Variants in NAALADL2 observed in about 807,000 individuals in gnomAD.
NAALADL2 encodes N-acetylated alpha-linked acidic dipeptidase like 2, also known as inactive N-acetylated-alpha-linked acidic dipeptidase-like protein 2.
Under a neutral mutation model 87.2 loss-of-function variants are expected in NAALADL2, and 76 were observed. The observed-to-expected ratio is 0.87, with a 90% CI of 0.72 to 1.05. The LOEUF is 1.05. NAALADL2 is among the 50% of genes least tolerant of loss of function. The probability of loss-of-function intolerance (pLI) is 0.00; values close to 1 mark genes in which losing one functional copy is unlikely to be tolerated. For missense variants in NAALADL2, 1,089 were observed against 945.8 expected, an observed-to-expected ratio of 1.15 and a Z score of -1.99; for synonymous variants, 354 against 331.0, an observed-to-expected ratio of 1.07 and a Z score of -0.75.
At position 174,449,676 on chromosome 3, in the gene NAALADL2, A is replaced by G. The variant is rs371944722; in HGVS notation, c.-184+8644A>G. Among the ~76,000 whole-genome samples the G allele has an allele frequency of 9.8e-4, 149 of 152,352 alleles. 1 individual carries two copies. The South Asian group carries it at 0.023, about 23-fold the overall frequency. On this transcript the variant is annotated intron_variant, in intron 1 of 3. Transcript: ENST00000434257. ...TTTATTTGAAAATTATGATTTATGTATATATGAAATAGGTATCTTCTGTCT... is the reference window on the plus strand; with the variant it reads ...TTTATTTGAAAATTATGATTTATGTGTATATGAAATAGGTATCTTCTGTCT...
At chr3:175,329,473 T>G (rs2110483402) in intron 5 of NAALADL2, among the ~76,000 whole-genome samples, 1 of 152,314 alleles carries the variant, frequency 6.6e-6, no homozygotes, top group Non-Finnish European at 1.5e-5. Flanking sequence ...GTCCAGTTAC[T>G]TGGACAAATA....
intron 3 of NAALADL2, among the ~76,000 whole-genome samples, chr3:174,762,095 A>AT (rs1365870811): frequency 2.0e-5 from 3 of 151,350 alleles, no homozygotes; most frequent in East Asian, 1.9e-4. Context: ...ATTGATATTG[A>AT]TTTTTTCTAT....
intron 1 of NAALADL2, among the ~76,000 whole-genome samples, chr3:175,077,833 G>A (rs978509222): frequency 1.3e-5 from 2 of 152,042 alleles, no homozygotes; most frequent in Non-Finnish European, 2.9e-5. Flanking sequence ...GGAAAAAGAA[G>A]AAGGAATCTT....
chr3:174,718,173 A>G (rs1731382338), intron 2 of NAALADL2, among the ~76,000 whole-genome samples: 1 of 152,142 alleles, frequency 6.6e-6, no homozygotes, highest in Non-Finnish European at 1.5e-5. Context: ...TTTAATGATA[A>G]GATATGCCAT....
intron 2 of NAALADL2, among the ~76,000 whole-genome samples, chr3:174,607,189 C>G (rs1233864850): frequency 2.0e-5 from 3 of 152,050 alleles, no homozygotes; most frequent in Non-Finnish European, 2.9e-5. Context: ...AAAGGAACAA[C>G]TGGTACCAGC....
intron 1 of NAALADL2, among the ~76,000 whole-genome samples, chr3:174,546,942 CT>C (rs947716038): frequency 6.6e-6 from 1 of 151,954 alleles, no homozygotes; most frequent in African/African-American, 2.4e-5. Flanking sequence ...ATGTGTAGTA[CT>C]TTTTTTGAAA....
intron 2 of NAALADL2, among the ~76,000 whole-genome samples, chr3:175,120,361 G>A (rs6798853): frequency 0.39 from 58,337 of 151,424 alleles, 11,502 homozygotes; most frequent in East Asian, 0.44. Flanking sequence ...CCTCTAAAAG[G>A]TATGGATTTC....
chr3:175,026,133 A>G (rs926308066), intron 1 of NAALADL2, among the ~76,000 whole-genome samples: 7 of 152,224 alleles, frequency 4.6e-5, no homozygotes, highest in Non-Finnish European at 1.0e-4. Context: ...TAACAAATGA[A>G]TTATTAAGTT....
chr3:175,388,801 G>C (rs1166269900), intron 5 of NAALADL2, among the ~76,000 whole-genome samples: 1 of 151,972 alleles, frequency 6.6e-6, no homozygotes, highest in Non-Finnish European at 1.5e-5. Flanking sequence ...CTTCATCCTA[G>C]ACTCCACCTC....
At chr3:174,571,143 C>T (rs928563055) in intron 2 of NAALADL2, among the ~76,000 whole-genome samples, 1 of 152,016 alleles carries the variant, frequency 6.6e-6, no homozygotes, top group African/African-American at 2.4e-5. Flanking sequence ...AGGAACTATA[C>T]AATACTTTTG....
intron 13 of NAALADL2, among the ~76,000 whole-genome samples, chr3:175,790,367 G>T (rs1576840561): frequency 2.0e-5 from 3 of 152,074 alleles, no homozygotes; most frequent in African/African-American, 7.2e-5. Flanking sequence ...TGCCTTCTCA[G>T]TTTTTAGGAG....
At chr3:175,033,760 C>T (rs1753064237) in intron 1 of NAALADL2, among the ~76,000 whole-genome samples, 1 of 152,076 alleles carries the variant, frequency 6.6e-6, no homozygotes, top group Non-Finnish European at 1.5e-5. Context: ...CTTTCTTCTC[C>T]CTTTACTCTC....
intron 5 of NAALADL2, among the ~76,000 whole-genome samples, chr3:175,413,986 G>C (rs1209372408): frequency 6.6e-6 from 1 of 152,146 alleles, no homozygotes; most frequent in Admixed American, 6.6e-5. Context: ...CTTCTACCCA[G>C]TGTTTCCTTG....
chr3:175,341,611 A>G (rs1243496158), intron 5 of NAALADL2, among the ~76,000 whole-genome samples: 1 of 152,128 alleles, frequency 6.6e-6, no homozygotes, highest in Admixed American at 6.6e-5. Context: ...TGCACTGTTT[A>G]AAATTCCCAC....
intron 2 of NAALADL2, among the ~76,000 whole-genome samples, chr3:175,108,998 A>T (rs975955693): frequency 6.6e-6 from 1 of 151,878 alleles, no homozygotes; most frequent in Non-Finnish European, 1.5e-5. Context: ...TGGGTATAAC[A>T]TGTGGTCCAG....
intron 2 of NAALADL2, among the ~76,000 whole-genome samples, chr3:174,595,537 T>C (rs1445395351): frequency 6.6e-6 from 1 of 152,130 alleles, no homozygotes; most frequent in East Asian, 1.9e-4. Context: ...GGTTTACACT[T>C]TCAGTTGAAC....
intron 1 of NAALADL2, among the ~76,000 whole-genome samples, chr3:174,521,481 G>T (rs1398686731): frequency 6.8e-6 from 1 of 147,692 alleles, no homozygotes; most frequent in East Asian, 2.1e-4. Context: ...CACAAGAATC[G>T]CTTGGGCTTG....
intron 3 of NAALADL2, among the ~76,000 whole-genome samples, chr3:174,831,962 T>C (rs1197627198): frequency 6.6e-6 from 1 of 151,932 alleles, no homozygotes; most frequent in Non-Finnish European, 1.5e-5. Flanking sequence ...ATATCCCCTT[T>C]ATCATTTTTT....
intron 5 of NAALADL2, among the ~76,000 whole-genome samples, chr3:175,380,046 T>A (rs56062846): frequency 0.36 from 54,234 of 151,674 alleles, 9,928 homozygotes; most frequent in East Asian, 0.54. Flanking sequence ...CCAGGGACTG[T>A]TGTGGGGTGT....
Sources: allele counts gnomAD v4.1 joint callset (sites outside exome capture counted in the v4.1 genomes callset), GRCh38; gene constraint gnomAD v4.1.1; transcripts MANE v1.5; gene names NCBI Gene and HGNC (gene_info 2026-07-23, HGNC 2026-07-21).